ANKIB1: variants seen among roughly 807,000 people sequenced by gnomAD.
ANKIB1 encodes ankyrin repeat and IBR domain-containing protein 1.
In ANKIB1, 43 loss-of-function variants were observed where a neutral mutation model predicts 122.1. That is an observed-to-expected ratio of 0.35 (90% confidence interval 0.28 to 0.45). ANKIB1 has a LOEUF of 0.45. Ranked by LOEUF, ANKIB1 falls within the 20% of genes least tolerant of loss-of-function variation. ANKIB1 has a pLI of 1.00. For missense variants in ANKIB1, 992 were observed against 1,329.5 expected (o/e 0.75, Z 3.95); for synonymous variants, 390 against 442.0 (o/e 0.88, Z 1.48).
intron 1 of ANKIB1, among the ~76,000 whole-genome samples, chr7:92,275,034 G>A (rs1160861104): frequency 6.6e-6 from 1 of 152,090 alleles, no homozygotes; most frequent in Non-Finnish European, 1.5e-5. Flanking sequence ...CAAAAAGTAG[G>A]CTGCTTTTTT....
At chr7:92,282,184 G>T (rs1802022777) in intron 1 of ANKIB1, among the ~76,000 whole-genome samples, 1 of 151,734 alleles carries the variant, frequency 6.6e-6, no homozygotes, top group Admixed American at 6.6e-5. Flanking sequence ...TTGAGACAGG[G>T]TCTCTGTCAC....
At chr7:92,340,490 C>T (rs960099416) in intron 5 of ANKIB1, among the ~76,000 whole-genome samples, 1 of 151,834 alleles carries the variant, frequency 6.6e-6, no homozygotes, top group South Asian at 2.1e-4. Context: ...CATTAAATGG[C>T]CCTAATATGA....
At chr7:92,346,970 T>G (rs1305705889) in intron 7 of ANKIB1, among the ~76,000 whole-genome samples, 18 of 152,204 alleles carry the variant, frequency 1.2e-4, no homozygotes, top group Admixed American at 1.2e-3. Flanking sequence ...TTTTGTCAAA[T>G]CAAGCACCAA....
At chr7:92,316,128 G>A (rs1239035172) in intron 3 of ANKIB1, among the ~76,000 whole-genome samples, 1 of 152,084 alleles carries the variant, frequency 6.6e-6, no homozygotes, top group Non-Finnish European at 1.5e-5. Flanking sequence ...AACATTTTAT[G>A]TGCCACCAAG....
At chr7:92,285,948 T>C (rs747253699) in intron 1 of ANKIB1, among the ~76,000 whole-genome samples, 1 of 152,238 alleles carries the variant, frequency 6.6e-6, no homozygotes, top group Non-Finnish European at 1.5e-5. Flanking sequence ...GCCTTAGTTA[T>C]GCAATTCCTA....
At chr7:92,356,573 A>G (rs1244411471) in intron 9 of ANKIB1, among the ~76,000 whole-genome samples, 4 of 152,228 alleles carry the variant, frequency 2.6e-5, no homozygotes, top group Non-Finnish European at 2.9e-5. Context: ...AACACAGTAC[A>G]GAGTTATAAT....
At chr7:92,370,275 G>A (rs907271760) in intron 10 of ANKIB1, among the ~76,000 whole-genome samples, 1 of 151,810 alleles carries the variant, frequency 6.6e-6, no homozygotes, top group African/African-American at 2.4e-5. Context: ...TTGGGAGGCC[G>A]AGGCGGGCGG....
intron 3 of ANKIB1, among the ~76,000 whole-genome samples, chr7:92,315,492 G>C (rs1802777648): frequency 6.6e-6 from 1 of 152,192 alleles, no homozygotes; most frequent in Admixed American, 6.5e-5. Context: ...AAATAACAGA[G>C]TTAAAGTCAC....
chr7:92,247,020 ATTC>A (rs71728712), intron 1 of ANKIB1, among the ~76,000 whole-genome samples: 3,661 of 152,266 alleles, frequency 0.024, 156 homozygotes, highest in African/African-American at 0.084. Flanking sequence ...GCTCCCCTGT[ATTC>A]TTATTCTTCT....
At chr7:92,368,611 C>T (rs1388721044) in intron 10 of ANKIB1, among the ~76,000 whole-genome samples, 3 of 151,710 alleles carry the variant, frequency 2.0e-5, no homozygotes, top group Non-Finnish European at 2.9e-5. Context: ...GTCCCAACTA[C>T]TTGGGAGGTT....
intron 15 of ANKIB1, 71 bp downstream of exon 15, chr7:92,390,187 C>T: frequency 8.5e-7 from 1 of 1,176,180 alleles, no homozygotes; most frequent in Non-Finnish European, 1.1e-6. Flanking sequence ...TTTTTGAAAC[C>T]ACTTGTTTTA....
chr7:92,262,474 T>G (rs1218130437), intron 1 of ANKIB1, among the ~76,000 whole-genome samples: 1 of 152,202 alleles, frequency 6.6e-6, no homozygotes, highest in Non-Finnish European at 1.5e-5. Context: ...CTGAATTATC[T>G]GTATAGCAGA....
chr7:92,251,536 C>G (rs1801331235), intron 1 of ANKIB1, among the ~76,000 whole-genome samples: 1 of 152,006 alleles, frequency 6.6e-6, no homozygotes, highest in South Asian at 2.1e-4. Flanking sequence ...AGAAAAAATG[C>G]CAGAACAGTA....
At chr7:92,373,070 A>G (rs995846468) in intron 11 of ANKIB1, among the ~76,000 whole-genome samples, 8 of 152,190 alleles carry the variant, frequency 5.3e-5, no homozygotes, top group African/African-American at 1.7e-4. Context: ...TAAAATTAAT[A>G]TAAATGAATT....
Position 92,246,353 on chromosome 7 carries a change from C to A in ANKIB1, c.-257C>A, listed in dbSNP as rs1187803659. 2 of 452,660 alleles carry A rather than the reference C, an allele frequency of 4.4e-6. No homozygotes were observed. Among genetic ancestry groups the A allele is most frequent in the African/African-American group, 4.0e-5 (2 of 49,610 alleles). The allele number at this position is 452,660 out of a possible 1,614,324, so 28.0% of individuals were successfully genotyped here. ...GCGCACCCTCGGCCACATCAGCCTC[C>A]GCCTGGCGGGTGCACCCGGGCCGGC... On this transcript the variant is annotated 5_prime_UTR_variant, in exon 1 of 20. Transcript: ENST00000265742.
rs996386145 is a variant in ANKIB1 at position 92,399,301 on chromosome 7, G to C, written c.*352G>C. ...CTTAAATTGAACATTTAAACTAAAGGCTTACTCCCTAATCTTTGGGTGGCT... is the reference window on the plus strand; with the variant it reads ...CTTAAATTGAACATTTAAACTAAAGCCTTACTCCCTAATCTTTGGGTGGCT... On this transcript the variant is annotated 3_prime_UTR_variant, in exon 20 of 20. Transcript: ENST00000265742. 6.3e-6 allele frequency: 1 copy of C among 159,976 alleles called. No individual in the cohort carries two copies. The highest frequency in any genetic ancestry group is 1.3e-5 in the Non-Finnish European group (1 of 74,116). 9.9% of individuals were successfully genotyped at this position (159,976 alleles called of 1,614,324 possible). A position where few individuals can be genotyped will look rare whatever the true frequency, so the allele number is the denominator to read the frequency against.
chr7:92,287,094 G>A (rs562446461), intron 1 of ANKIB1, among the ~76,000 whole-genome samples: 24 of 152,250 alleles, frequency 1.6e-4, no homozygotes, highest in Middle Eastern at 3.4e-3. Context: ...TGGAAAGGTT[G>A]CAAAAATAGT....
intron 8 of ANKIB1, among the ~76,000 whole-genome samples, chr7:92,351,628 G>A (rs1803664555): frequency 6.6e-6 from 1 of 150,866 alleles, no homozygotes; most frequent in African/African-American, 2.4e-5. Flanking sequence ...TTTTGCGTGT[G>A]TGATTTAAAA....
intron 5 of ANKIB1, among the ~76,000 whole-genome samples, chr7:92,342,699 A>G (rs1803463124): frequency 6.6e-6 from 1 of 152,142 alleles, no homozygotes; most frequent in Non-Finnish European, 1.5e-5. Flanking sequence ...GCTAAATTAA[A>G]CCTATGCCAG....
Sources: allele counts gnomAD v4.1 joint callset (sites outside exome capture counted in the v4.1 genomes callset), GRCh38; gene constraint gnomAD v4.1.1; transcripts MANE v1.5; gene names NCBI Gene and HGNC (gene_info 2026-07-23, HGNC 2026-07-21).